Variants in COMT observed in about 807,000 individuals in gnomAD.
COMT encodes catechol-O-methyltransferase.
In COMT, 13 loss-of-function variants were observed where a neutral mutation model predicts 18.9. The ratio of observed to expected loss-of-function variants is 0.69; its 90% confidence interval spans 0.45 to 1.09. The LOEUF (loss-of-function observed/expected upper bound fraction) is 1.09, where lower values mean the gene tolerates loss of function less well. Ranked by LOEUF, COMT falls within the 50% of genes least tolerant of loss-of-function variation. COMT has a pLI of 0.00. For synonymous variants in COMT, 150 were observed against 160.9 expected (o/e 0.93, Z 0.51); for missense variants, 329 against 361.8 (o/e 0.91, Z 0.73).
chr22:19,964,541 G>T (rs771312505), intron 5 of COMT: 2 of 650,718 alleles, frequency 3.1e-6, no homozygotes, highest in Non-Finnish European at 5.4e-6. Flanking sequence ...GGAGCCAGCT[G>T]CCTGTGCAGG....
intron 5 of COMT, chr22:19,966,926 G>C (rs9332374): frequency 2.0e-6 from 2 of 984,648 alleles, no homozygotes; most frequent in African/African-American, 3.5e-5. Context: ...TGACACTGTC[G>C]CTTCTCCACG....
In COMT at chr22:19,969,162, C is replaced by T. The variant is rs954133053; in HGVS notation, c.*426C>T. 11 of 184,348 alleles carry T rather than the reference C, an allele frequency of 6.0e-5. No individual in the cohort carries two copies. Among genetic ancestry groups the T allele is most frequent in the Non-Finnish European group, 1.0e-4 (9 of 87,058 alleles). 11.4% of individuals were successfully genotyped at this position (184,348 alleles called of 1,614,324 possible). On this transcript the variant is annotated 3_prime_UTR_variant, in exon 6 of 6. Coordinates refer to ENST00000361682, the MANE Select transcript of COMT (RefSeq NM_000754.4). ...CTAGCTGGCTGGGTTCTGGGTGGCACGCCTGGCCCACTGGCCTCCCAGCCA... is the reference window on the plus strand; with the variant it reads ...CTAGCTGGCTGGGTTCTGGGTGGCATGCCTGGCCCACTGGCCTCCCAGCCA...
intron 5 of COMT, among the ~76,000 whole-genome samples, chr22:19,966,449 AAAAAAAG>A: frequency 6.6e-6 from 1 of 151,470 alleles, no homozygotes; most frequent in African/African-American, 2.4e-5. Flanking sequence ...AAAAAAAAAA[AAAAAAAG>A]AAAAAGACAG....
At chr22:19,957,236 C>G (rs1410391264) in intron 1 of COMT, among the ~76,000 whole-genome samples, 12 of 152,286 alleles carry the variant, frequency 7.9e-5, no homozygotes, top group African/African-American at 2.9e-4. Flanking sequence ...AGGCATGAGC[C>G]ACCGCGCCCG....
chr22:19,964,701 T>C (rs34068292), intron 5 of COMT: 28,179 of 539,242 alleles, frequency 0.052, 891 homozygotes, highest in South Asian at 0.1. Flanking sequence ...AAAGAAAGCA[T>C]GTGTCTCCTG....
chr22:19,968,790 G>A lies in COMT; in HGVS notation c.*54G>A, dbSNP rs2146200543. On this transcript the variant is annotated 3_prime_UTR_variant, in exon 6 of 6. Coordinates refer to ENST00000361682, the MANE Select transcript of COMT (RefSeq NM_000754.4). ...TCTCACCCAGCCTGGTACTGAAGGT[G>A]CCAGACGTGCTCCTGCTGACCTTCT... 3.3e-6 allele frequency: 5 copies of A among 1,531,742 alleles called. No homozygotes were observed. The East Asian group carries it at 6.8e-5, about 21-fold the overall frequency. 94.9% of individuals were successfully genotyped at this position (1,531,742 alleles called of 1,614,324 possible).
Position 19,963,232 on chromosome 22 carries a change from C to T in COMT, c.290-334C>T, listed in dbSNP as rs914928089. The T allele has an allele frequency of 1.6e-5, 8 of 501,784 alleles. No individual in the cohort carries two copies. In the Admixed American group the frequency reaches 1.8e-4, roughly 11 times the overall value. The allele number at this position is 501,784 out of a possible 1,614,324, so 31.1% of individuals were successfully genotyped here. ...TGCCGCCCCAGGGCCCCAAGGTGGG[C>T]GGTTCGGTGATTCAGAGAGGGCAGC... On this transcript the variant is annotated intron_variant, in intron 3 of 5. Transcript: ENST00000361682.
intron 1 of COMT, 180 bp downstream of exon 1, chr22:19,942,077 A>C: frequency 2.7e-6 from 1 of 364,344 alleles, no homozygotes. Flanking sequence ...GGGAATTCGG[A>C]CCTTGGGTGG....
intron 1 of COMT, among the ~76,000 whole-genome samples, chr22:19,957,732 T>C (rs1429792015): frequency 6.6e-6 from 1 of 152,186 alleles, no homozygotes; most frequent in East Asian, 1.9e-4. Context: ...CCCTCTACTG[T>C]GCTGGAGAGG....
At chr22:19,956,318 T>A (rs1942060720) in intron 1 of COMT, among the ~76,000 whole-genome samples, 1 of 149,484 alleles carries the variant, frequency 6.7e-6, no homozygotes, top group African/African-American at 2.5e-5. Context: ...ATTTTTGTTA[T>A]TTTTAGCAGA....
chr22:19,944,268 G>A (rs987860296), intron 1 of COMT, among the ~76,000 whole-genome samples: 2 of 152,342 alleles, frequency 1.3e-5, no homozygotes, highest in Admixed American at 6.5e-5. Flanking sequence ...AGGATAGGCC[G>A]GGCCCGGTGG....
intron 5 of COMT, chr22:19,964,666 C>G: frequency 1.7e-6 from 1 of 581,228 alleles, no homozygotes; most frequent in Non-Finnish European, 3.1e-6. Flanking sequence ...AGCCTGCTCT[C>G]CCCCAAGCAA....
intron 4 of COMT, 91 bp downstream of exon 4, chr22:19,963,850 C>A: frequency 2.7e-6 from 4 of 1,455,358 alleles, no homozygotes; most frequent in Non-Finnish European, 3.7e-6. Context: ...ACCAGGTGTT[C>A]ACACCACGTT....
chr22:19,960,319 T>C (rs183018521), intron 1 of COMT, among the ~76,000 whole-genome samples: 137 of 152,318 alleles, frequency 9.0e-4, no homozygotes, highest in South Asian at 7.0e-3. Flanking sequence ...TAGTAGTCAT[T>C]ATAGATAAAC....
chr22:19,948,421 G>A (rs1409456450), intron 1 of COMT, among the ~76,000 whole-genome samples: 5 of 152,160 alleles, frequency 3.3e-5, no homozygotes, highest in Admixed American at 2.6e-4. Context: ...TTGGGAGTCC[G>A]AGGAGGGAGG....
intron 1 of COMT, among the ~76,000 whole-genome samples, chr22:19,948,758 C>T (rs1941879810): frequency 6.6e-6 from 1 of 152,024 alleles, no homozygotes; most frequent in Non-Finnish European, 1.5e-5. Context: ...AGTTCAAGAC[C>T]AGGCTGGCCA....
At chr22:19,967,997 T>G (rs186490696) in intron 5 of COMT, among the ~76,000 whole-genome samples, 3 of 152,088 alleles carry the variant, frequency 2.0e-5, no homozygotes, top group African/African-American at 4.8e-5. Flanking sequence ...CAGGCACTGG[T>G]GAAGATGGGG....
At chr22:19,962,262 CAGGGCCAGGGAGTGTG>C in intron 2 of COMT, 1 of 566,130 alleles carries the variant, frequency 1.8e-6, no homozygotes, top group Non-Finnish European at 3.2e-6. Flanking sequence ...GGGAAGCACC[CAGGGCCAGGGAGTGTG>C]ACCCTGCAGG....
At chr22:19,958,804 A>G (rs1352831196) in intron 1 of COMT, among the ~76,000 whole-genome samples, 1 of 150,608 alleles carries the variant, frequency 6.6e-6, no homozygotes, top group Non-Finnish European at 1.5e-5. Context: ...AGGCAGGAGG[A>G]TCCCTTGAGC....
Sources: allele counts gnomAD v4.1 joint callset (sites outside exome capture counted in the v4.1 genomes callset), GRCh38; gene constraint gnomAD v4.1.1; transcripts MANE v1.5; gene names NCBI Gene and HGNC (gene_info 2026-07-23, HGNC 2026-07-21).